Variants in APBB2 observed in about 807,000 individuals in gnomAD.
APBB2 encodes the protein Fe65-like 1.
A neutral mutation model predicts 82.5 loss-of-function variants in APBB2; 38 were observed. That is an observed-to-expected ratio of 0.46 (90% CI 0.36 to 0.60). The LOEUF (loss-of-function observed/expected upper bound fraction) is 0.60, where lower values mean the gene tolerates loss of function less well. Ranked by LOEUF, APBB2 falls within the 20% of genes least tolerant of loss-of-function variation. APBB2 has a pLI of 0.00. For missense variants in APBB2, 772 were observed against 972.3 expected (o/e 0.79, Z 2.74); for synonymous variants, 341 against 368.2 (o/e 0.93, Z 0.85).
chr4:41,160,060 C>T (rs960202556), intron 1 of APBB2, among the ~76,000 whole-genome samples: 3 of 150,256 alleles, frequency 2.0e-5, no homozygotes, highest in Non-Finnish European at 3.0e-5. Context: ...TGCTGTTTTG[C>T]GGATACTGGA....
At chr4:40,942,199 A>G (rs1787177366) in intron 7 of APBB2, among the ~76,000 whole-genome samples, 1 of 152,210 alleles carries the variant, frequency 6.6e-6, no homozygotes. Flanking sequence ...CACGTGTATT[A>G]TGGGAACAAC....
intron 1 of APBB2, among the ~76,000 whole-genome samples, chr4:41,192,182 T>C (rs531463413): frequency 7.9e-5 from 12 of 152,330 alleles, no homozygotes; most frequent in African/African-American, 2.2e-4. Flanking sequence ...GTTTGTACAC[T>C]GTTGGTGGGA....
At chr4:41,153,212 C>T (rs1234153972) in intron 1 of APBB2, among the ~76,000 whole-genome samples, 11 of 152,090 alleles carry the variant, frequency 7.2e-5, no homozygotes, top group Admixed American at 1.3e-4. Flanking sequence ...CCCTTTGATG[C>T]TTGGTTGAAC....
chr4:40,896,467 T>TC (rs1005339123), intron 10 of APBB2, among the ~76,000 whole-genome samples: 2 of 152,208 alleles, frequency 1.3e-5, no homozygotes, highest in Non-Finnish European at 2.9e-5. Context: ...ATTTACTAAG[T>TC]CCCAATTTTG....
intron 6 of APBB2, among the ~76,000 whole-genome samples, chr4:40,965,761 G>A (rs1162606435): frequency 2.0e-5 from 3 of 152,158 alleles, no homozygotes; most frequent in South Asian, 2.1e-4. Flanking sequence ...CTTCCAGTGA[G>A]CCAGAGGTTC....
chr4:40,812,576 T>G lies in APBB2; in HGVS notation c.*3516A>C, dbSNP rs2154291020. 1 of 151,844 alleles carries G rather than the reference T, an allele frequency of 6.6e-6. No homozygotes were observed. Among genetic ancestry groups the G allele is most frequent in the East Asian group, 1.9e-4 (1 of 5,150 alleles). 9.4% of individuals were successfully genotyped at this position (151,844 alleles called of 1,614,324 possible). ...GAGCGAAGGGGCTTATTAGTTAAAT[T>G]GTGCTAATATCAGTTAGGAAAATGC... is the stretch of plus-strand genomic sequence containing the variant. On this transcript the variant is annotated 3_prime_UTR_variant, in exon 18 of 18. Transcript: ENST00000508593.
intron 2 of APBB2, among the ~76,000 whole-genome samples, chr4:41,132,707 A>G (rs749331010): frequency 6.6e-6 from 1 of 152,222 alleles, no homozygotes; most frequent in Non-Finnish European, 1.5e-5. Flanking sequence ...GTTTTAATTA[A>G]TAAGCTTTCC....
intron 1 of APBB2, among the ~76,000 whole-genome samples, chr4:41,165,868 C>CG (rs1385033940): frequency 2.1e-5 from 3 of 142,662 alleles, no homozygotes; most frequent in African/African-American, 8.9e-5. Context: ...GCATGTCAGG[C>CG]CCCCTTTTTT....
In APBB2 at chr4:40,811,778, T is replaced by TA. The variant is rs1553921232; in HGVS notation, c.*4313dup. 18 of 152,174 alleles carry TA rather than the reference T, an allele frequency of 1.2e-4. No individual in the cohort carries two copies. The highest frequency in any genetic ancestry group is 4.4e-5 in the Non-Finnish European group (3 of 68,028). 9.4% of individuals were successfully genotyped at this position (152,174 alleles called of 1,614,324 possible). A position where few individuals can be genotyped will look rare whatever the true frequency, so the allele number is the denominator to read the frequency against. ...ACCATAATGAAATTTTGTTACTGAC[T>TA]AGAGAGAAACCACTGTGGAAGTGCA... On this transcript the variant is annotated 3_prime_UTR_variant, in exon 18 of 18. Transcript: ENST00000508593.
At chr4:41,016,135 A>G (rs1809867588) in intron 5 of APBB2, among the ~76,000 whole-genome samples, 1 of 152,202 alleles carries the variant, frequency 6.6e-6, no homozygotes, top group African/African-American at 2.4e-5. Flanking sequence ...GGGTATTTAG[A>G]GTGAGATTAT....
intron 2 of APBB2, among the ~76,000 whole-genome samples, chr4:41,108,440 G>A (rs1748025864): frequency 6.6e-6 from 1 of 151,526 alleles, no homozygotes; most frequent in Non-Finnish European, 1.5e-5. Context: ...AGAACGTTGA[G>A]AAGAAAAAAA....
chr4:40,856,900 A>T (rs1370697993), intron 12 of APBB2: 3 of 961,902 alleles, frequency 3.1e-6, no homozygotes, highest in Non-Finnish European at 3.7e-6. Flanking sequence ...GGGAGGGCGC[A>T]GCCTTTGTCC....
chr4:40,900,720 G>A (rs993161000), intron 10 of APBB2, among the ~76,000 whole-genome samples: 2 of 150,146 alleles, frequency 1.3e-5, no homozygotes, highest in African/African-American at 2.5e-5. Context: ...GCCTCCCAAA[G>A]TGCTAGGATT....
intron 10 of APBB2, among the ~76,000 whole-genome samples, chr4:40,907,346 TAC>T (rs869145858): frequency 0.51 from 43,703 of 86,046 alleles, 10,984 homozygotes; most frequent in East Asian, 0.73. Flanking sequence ...TTTAATATAT[TAC>T]ATATATATAT....
At chr4:40,963,928 T>C (rs1327403706) in intron 6 of APBB2, among the ~76,000 whole-genome samples, 2 of 152,204 alleles carry the variant, frequency 1.3e-5, no homozygotes, top group Non-Finnish European at 1.5e-5. Context: ...TACCCAACCA[T>C]GGAGCCCAAA....
At chr4:41,107,975 T>A (rs1022694373) in intron 2 of APBB2, among the ~76,000 whole-genome samples, 1 of 152,216 alleles carries the variant, frequency 6.6e-6, no homozygotes, top group Admixed American at 6.5e-5. Context: ...TGAACATGTA[T>A]TCAAGTATTA....
intron 12 of APBB2, among the ~76,000 whole-genome samples, chr4:40,834,335 C>T (rs2437341): frequency 0.6 from 91,356 of 151,878 alleles, 28,485 homozygotes; most frequent in African/African-American, 0.68. Flanking sequence ...ATCCCAAGTC[C>T]CTAAATATGG....
intron 12 of APBB2, among the ~76,000 whole-genome samples, chr4:40,868,720 C>T (rs1764664137): frequency 6.6e-6 from 1 of 152,182 alleles, no homozygotes; most frequent in South Asian, 2.1e-4. Context: ...AAGAACTTTC[C>T]ACAAAGGAAC....
At position 40,934,580 on chromosome 4, in the gene APBB2, C is replaced by T. The variant is rs754818783; in HGVS notation, c.1193+34G>A. The T allele has an allele frequency of 5.6e-6, 9 of 1,610,994 alleles. No individual in the cohort carries two copies. The East Asian group carries it at 8.9e-5, about 16-fold the overall frequency. The stretch of plus-strand genomic sequence containing the variant: ...TGCAAACTATCTGCACAAAGCCATA[C>T]ATTGACAGCAGGTCGATCCTACTAA... On this transcript the variant is annotated intron_variant, in intron 9 of 17. Transcript: ENST00000508593.
Sources: allele counts gnomAD v4.1 joint callset (sites outside exome capture counted in the v4.1 genomes callset), GRCh38; gene constraint gnomAD v4.1.1; transcripts MANE v1.5; gene names NCBI Gene and HGNC (gene_info 2026-07-23, HGNC 2026-07-21).